Variants in TENM3 observed in about 807,000 individuals in gnomAD.
The protein encoded by TENM3 is teneurin transmembrane protein 3.
TENM3 carries 63 observed loss-of-function variants against 255.1 expected under a neutral mutation model. The observed-to-expected ratio is 0.25, with a 90% CI of 0.20 to 0.30. TENM3 has a LOEUF of 0.30. TENM3 is among the 10% of genes least tolerant of loss of function. The probability of loss-of-function intolerance (pLI) is 1.00; values close to 1 mark genes in which losing one functional copy is unlikely to be tolerated. For synonymous variants in TENM3, 1,306 were observed against 1,322.3 expected, an observed-to-expected ratio of 0.99 and a Z score of 0.27; for missense variants, 2,929 against 3,461.1, an observed-to-expected ratio of 0.85 and a Z score of 3.86.
the TENM3 span, among the ~76,000 whole-genome samples, chr4:181,615,948 T>C: frequency 1.3e-5 from 2 of 152,176 alleles, no homozygotes; most frequent in Non-Finnish European, 2.9e-5. Context: ...AAGTACTTTT[T>C]AATAACCAGT....
chr4:181,983,910 G>C, the TENM3 span, among the ~76,000 whole-genome samples: 1 of 151,944 alleles, frequency 6.6e-6, no homozygotes, highest in Non-Finnish European at 1.5e-5. Flanking sequence ...AAACCTGATC[G>C]GATGCCTCCT....
At chr4:181,491,213 A>C in the TENM3 span, among the ~76,000 whole-genome samples, 1 of 152,064 alleles carries the variant, frequency 6.6e-6, no homozygotes, top group Admixed American at 6.6e-5. Context: ...ATTAAACAGG[A>C]AAGATTATAG....
At chr4:182,769,669 A>G (rs1471386223) in intron 22 of TENM3, among the ~76,000 whole-genome samples, 1 of 152,118 alleles carries the variant, frequency 6.6e-6, no homozygotes, top group African/African-American at 2.4e-5. Context: ...CTGTAATCCT[A>G]GCTACTCAGG....
At chr4:182,728,009 T>A (rs1009697369) in intron 13 of TENM3, among the ~76,000 whole-genome samples, 2 of 151,936 alleles carry the variant, frequency 1.3e-5, no homozygotes, top group Non-Finnish European at 2.9e-5. Flanking sequence ...AACAGGCACC[T>A]GTCACCCCGC....
chr4:181,893,817 G>A, the TENM3 span, among the ~76,000 whole-genome samples: 7 of 152,168 alleles, frequency 4.6e-5, no homozygotes, highest in Non-Finnish European at 4.4e-5. Flanking sequence ...ACACTATACA[G>A]AGCCATCCCG....
At chr4:182,034,524 GT>G in the TENM3 span, among the ~76,000 whole-genome samples, 1 of 152,142 alleles carries the variant, frequency 6.6e-6, no homozygotes, top group Non-Finnish European at 1.5e-5. Flanking sequence ...TGGCTGGTAA[GT>G]TTTTCCATTC....
At chr4:182,358,829 C>T (rs570080208) in intron 3 of TENM3, among the ~76,000 whole-genome samples, 7,513 of 148,754 alleles carry the variant, frequency 0.051, 210 homozygotes, top group African/African-American at 0.07. Flanking sequence ...AGTTTTTGCC[C>T]ATTCAGTATG....
At chr4:181,449,342 C>T in the TENM3 span, among the ~76,000 whole-genome samples, 1 of 151,974 alleles carries the variant, frequency 6.6e-6, no homozygotes. Context: ...AGATGTGGCT[C>T]CTGTCTGTCA....
At chr4:182,547,953 C>T (rs1451173201) in intron 3 of TENM3, among the ~76,000 whole-genome samples, 1 of 151,986 alleles carries the variant, frequency 6.6e-6, no homozygotes, top group East Asian at 1.9e-4. Context: ...CACGATGGCT[C>T]GTGCCTCGAG....
chr4:182,262,308 C>T (rs1300556856), intron 1 of TENM3, among the ~76,000 whole-genome samples: 1 of 152,188 alleles, frequency 6.6e-6, no homozygotes, highest in Non-Finnish European at 1.5e-5. Flanking sequence ...GCAACACCGT[C>T]TTGAATAGGA....
chr4:181,585,322 G>A, the TENM3 span, among the ~76,000 whole-genome samples: 3 of 152,086 alleles, frequency 2.0e-5, no homozygotes, highest in East Asian at 1.9e-4. Context: ...CCTAGTCTGC[G>A]TTATCTCTTA....
At chr4:182,449,861 T>C (rs1338469071) in intron 3 of TENM3, among the ~76,000 whole-genome samples, 1 of 152,338 alleles carries the variant, frequency 6.6e-6, no homozygotes, top group East Asian at 1.9e-4. Flanking sequence ...GAAAAACTTG[T>C]GCTGTATCTG....
At position 182,386,665 on chromosome 4, in the gene TENM3, G is replaced by A. The variant is rs566399354; in HGVS notation, c.511+39736G>A. On this transcript the variant is annotated intron_variant, in intron 3 of 27. Coordinates refer to ENST00000511685, the MANE Select transcript of TENM3 (RefSeq NM_001080477.4). ...GGCCCCGCACTCGGAGCTGCCGGCC[G>A]GCCGGGGCAGTGAGGGGCTTAGCAC... is the stretch of plus-strand genomic sequence containing the variant. Among the ~76,000 whole-genome samples, 11 of 152,362 alleles carry A rather than the reference G, an allele frequency of 7.2e-5. No individual in the cohort carries two copies. The East Asian group carries it at 2.1e-3, about 29-fold the overall frequency.
the TENM3 span, among the ~76,000 whole-genome samples, chr4:181,912,426 C>T: frequency 6.0e-3 from 915 of 152,052 alleles, 8 homozygotes; most frequent in African/African-American, 0.021. Flanking sequence ...ACAGTAGCAG[C>T]GGGGATGAAA....
chr4:182,046,084 A>G, the TENM3 span, among the ~76,000 whole-genome samples: 3 of 152,216 alleles, frequency 2.0e-5, no homozygotes, highest in South Asian at 6.2e-4. Flanking sequence ...CAGGAATCAG[A>G]GAAAGTATTT....
intron 3 of TENM3, among the ~76,000 whole-genome samples, chr4:182,555,176 A>AG (rs1183363380): frequency 1.3e-5 from 2 of 152,200 alleles, no homozygotes; most frequent in African/African-American, 4.8e-5. Context: ...CTATGACTGA[A>AG]GGAGGCAAGC....
chr4:181,592,386 T>C, the TENM3 span, among the ~76,000 whole-genome samples: 1 of 150,446 alleles, frequency 6.6e-6, no homozygotes, highest in Admixed American at 6.7e-5. Flanking sequence ...GAGGCTGGAA[T>C]GTACCCACAA....
chr4:182,215,348 C>G (rs1198981878), intron 1 of TENM3, among the ~76,000 whole-genome samples: 1 of 152,164 alleles, frequency 6.6e-6, no homozygotes, highest in Non-Finnish European at 1.5e-5. Flanking sequence ...GTGGCGAGCT[C>G]TATCTTCACT....
chr4:181,686,990 G>T, the TENM3 span, among the ~76,000 whole-genome samples: 2 of 152,078 alleles, frequency 1.3e-5, no homozygotes, highest in Non-Finnish European at 2.9e-5. Flanking sequence ...ATAAAAAAGT[G>T]ATTTCTGCTT....
Sources: gnomAD v4.1 joint callset for allele counts (sites outside exome capture counted in the v4.1 genomes callset) on GRCh38, gnomAD v4.1.1 for gene constraint, MANE v1.5 for transcripts, NCBI Gene and HGNC (gene_info 2026-07-23, HGNC 2026-07-21) for gene names.